The following ZBED4 variants were observed in gnomAD, a reference collection of about 807,000 sequenced individuals.
ZBED4 encodes the protein zinc finger BED domain-containing protein 4.
Under a neutral mutation model 15.5 loss-of-function variants are expected in ZBED4, and 4 were observed. The ratio of observed to expected loss-of-function variants is 0.26; its 90% CI spans 0.13 to 0.59. The LOEUF (loss-of-function observed/expected upper bound fraction) is 0.59, where lower values mean the gene tolerates loss of function less well. Among genes scored for constraint, ZBED4 ranks in the 20% least tolerant of loss-of-function variants. The probability of loss-of-function intolerance (pLI) is 0.90; values close to 1 mark genes in which losing one functional copy is unlikely to be tolerated. For missense variants in ZBED4, 1,323 were observed against 1,461.8 expected, an observed-to-expected ratio of 0.91 and a Z score of 1.55; for synonymous variants, 692 against 608.5, an observed-to-expected ratio of 1.14 and a Z score of -2.02.
At chr22:49,876,507 A>G (rs979896020) in intron 1 of ZBED4, among the ~76,000 whole-genome samples, 2 of 151,920 alleles carry the variant, frequency 1.3e-5, no homozygotes, top group Admixed American at 1.3e-4. Flanking sequence ...ACCCCCTTAT[A>G]ATTTTGTGAT....
intron 1 of ZBED4, among the ~76,000 whole-genome samples, chr22:49,864,954 T>G (rs1419556687): frequency 7.1e-4 from 1 of 1,400 alleles, no homozygotes; most frequent in Non-Finnish European, 1.2e-3. Flanking sequence ...CCCCCCCCCG[T>G]GAAGTCAGAA....
intron 1 of ZBED4, among the ~76,000 whole-genome samples, chr22:49,858,466 C>T (rs2060284003): frequency 6.6e-6 from 1 of 152,138 alleles, no homozygotes; most frequent in Non-Finnish European, 1.5e-5. Flanking sequence ...TGCGTGTGCT[C>T]TGAGTTGAAC....
intron 1 of ZBED4, among the ~76,000 whole-genome samples, chr22:49,873,179 A>ACTCT (rs1248087058): frequency 1.2e-4 from 19 of 152,164 alleles, no homozygotes; most frequent in African/African-American, 4.6e-4. Context: ...CTGTTGGTAC[A>ACTCT]AGAGTCCTAG....
chr22:49,867,885 C>T (rs1176044906), intron 1 of ZBED4, among the ~76,000 whole-genome samples: 1 of 152,238 alleles, frequency 6.6e-6, no homozygotes, highest in East Asian at 1.9e-4. Context: ...CAGACACTTA[C>T]ATGAGCCCAC....
chr22:49,884,483 G>C lies in ZBED4; in HGVS notation c.821G>C (p.Ser274Thr), dbSNP rs1569164612. 6.2e-7 allele frequency: 1 copy of C among 1,614,198 alleles called. No homozygotes were observed. The highest frequency in any genetic ancestry group is 8.5e-7 in the Non-Finnish European group (1 of 1,180,048). ...CCTGCAGAGAACTTAGCGGAGAAGAGCCTTCCACTTCCAAAGAGCACCTCT... is the reference window on the plus strand; with the variant it reads ...CCTGCAGAGAACTTAGCGGAGAAGACCCTTCCACTTCCAAAGAGCACCTCT... The part of the protein sequence containing the change: ...DEPAENLAEK[S>T]LPLPKSTSGS... Residue 274 changes from serine (S) to threonine (T), a missense_variant, in exon 2 of 2, where the codon AGC becomes ACC. Around this residue, in one of 6 missense-constraint regions of ZBED4, gnomAD observed 380 missense variants for 413.7 expected, o/e 0.92. Coordinates refer to ENST00000216268, the MANE Select transcript of ZBED4 (RefSeq NM_014838.3).
Position 49,854,407 on chromosome 22 carries a change from C to G in ZBED4, c.-330+418C>G, listed in dbSNP as rs561836634. Among the ~76,000 whole-genome samples, 8 of 152,244 alleles carry G rather than the reference C, an allele frequency of 5.3e-5. No homozygotes were observed. In the East Asian group the frequency reaches 1.5e-3, roughly 29 times the overall value. ...ACTTCTCTGGACGTGTCATTCCCGT[C>G]CCACCTCCAGGAAGGGCCACCTGGG... On this transcript the variant is annotated intron_variant, in intron 1 of 1. Transcript: ENST00000216268.
intron 1 of ZBED4, among the ~76,000 whole-genome samples, chr22:49,860,779 CTT>C (rs560679145): frequency 1.7e-4 from 24 of 137,478 alleles, no homozygotes; most frequent in Admixed American, 2.9e-4. Context: ...TCTAAGCAAC[CTT>C]TTTTTTTTTT....
In ZBED4 at chr22:49,884,195, C is replaced by T. The variant is rs1168140265; in HGVS notation, c.533C>T (p.Ala178Val). 4 of 1,607,838 alleles carry T rather than the reference C, an allele frequency of 2.5e-6. No homozygotes were observed. Among genetic ancestry groups the T allele is most frequent in the African/African-American group, 1.3e-5 (1 of 74,786 alleles). Residue 178 changes from alanine to valine, a missense_variant, in exon 2 of 2, where the codon GCC becomes GTC. Physicochemically the swap from Ala to Val is moderately conservative, Grantham distance 64 (BLOSUM62 0). This residue lies in a region of ZBED4 where 380 missense variants were observed against 413.7 expected (regional missense o/e 0.92). Coordinates refer to ENST00000216268, the MANE Select transcript of ZBED4 (RefSeq NM_014838.3). ...ATTCAGGAAAATGGCAGTGTGTCTG[C>T]CGTGTCCTCGTTCCCCTCTCCCTCA... Reference protein sequence around the residue: ...VLIQENGSVSAVSSFPSPSLL... With the variant: ...VLIQENGSVSVVSSFPSPSLL...
chr22:49,885,934 C>G lies in ZBED4; in HGVS notation c.2272C>G (p.Arg758Gly), dbSNP rs377508817. ...AHWVSFESPA[R>G]PRCDDHHCSA... ...CTGGGTTTCCTTCGAGTCGCCAGCC[C>G]GGCCGCGCTGTGACGACCACCACTG... Residue 758 changes from arginine (R) to glycine (G), a missense_variant, in exon 2 of 2, where the codon CGG becomes GGG. This residue lies in a region of ZBED4 where 100 missense variants were observed against 79.3 expected (regional missense o/e 1.26). Coordinates refer to ENST00000216268, the MANE Select transcript of ZBED4 (RefSeq NM_014838.3). 1.8e-5 allele frequency: 15 copies of G among 817,046 alleles called. No homozygotes were observed. Among genetic ancestry groups the G allele is most frequent in the African/African-American group, 1.7e-4 (10 of 58,892 alleles). 50.6% of individuals were successfully genotyped at this position (817,046 alleles called of 1,614,324 possible). A position where few individuals can be genotyped will look rare whatever the true frequency, so the allele number is the denominator to read the frequency against.
In ZBED4 at chr22:49,886,450, AT is replaced by A; in HGVS notation, c.2789del (p.Met930SerfsTer8). ...GATCAGCTGCGACCAGTGGGAGGTC[AT>A]GCAGTCCGTGTGCCGTGCGCTAAAG... ...ELISCDQWEV[M>X]QSVCRALKPF... On this transcript the variant is annotated frameshift_variant, in exon 2 of 2. Coordinates refer to ENST00000216268, the MANE Select transcript of ZBED4 (RefSeq NM_014838.3). LOFTEE classifies it high-confidence loss of function. This position sits in a 1 kb window ranked among gnomAD's most constrained non-coding sequence, Gnocchi z 7.7. 1 of 1,576,002 alleles carries A rather than the reference AT, an allele frequency of 6.3e-7. No homozygotes were observed. Among genetic ancestry groups the A allele is most frequent in the East Asian group, 2.3e-5 (1 of 44,392 alleles).
intron 1 of ZBED4, among the ~76,000 whole-genome samples, chr22:49,865,735 G>T (rs186565672): frequency 1.3e-5 from 2 of 152,098 alleles, no homozygotes; most frequent in African/African-American, 4.8e-5. Context: ...TTTGCTCTCC[G>T]GTAGATCTCT....
intron 1 of ZBED4, among the ~76,000 whole-genome samples, chr22:49,857,695 G>A (rs2060280339): frequency 6.6e-6 from 1 of 152,124 alleles, no homozygotes. Flanking sequence ...GGATTCAAGT[G>A]ATTCTGCTGC....
chr22:49,862,115 C>T (rs1709237800), intron 1 of ZBED4, among the ~76,000 whole-genome samples: 2 of 152,194 alleles, frequency 1.3e-5, no homozygotes, highest in Non-Finnish European at 2.9e-5. Flanking sequence ...AAAAACTGTG[C>T]TTTACTGAAT....
chr22:49,879,943 A>G (rs1203246926), intron 1 of ZBED4, among the ~76,000 whole-genome samples: 2 of 142,464 alleles, frequency 1.4e-5, no homozygotes, highest in African/African-American at 2.5e-5. Context: ...GCCTGTTTCT[A>G]TTGGTTGGTT....
At chr22:49,858,151 C>T (rs1479794195) in intron 1 of ZBED4, among the ~76,000 whole-genome samples, 1 of 152,070 alleles carries the variant, frequency 6.6e-6, no homozygotes, top group African/African-American at 2.4e-5. Context: ...ATCCACCCGC[C>T]TTTGCCTCCC....
Position 49,884,960 on chromosome 22 carries a change from C to G in ZBED4, c.1298C>G (p.Ala433Gly). 6.2e-7 allele frequency: 1 copy of G among 1,612,080 alleles called. No individual in the cohort carries two copies. The highest frequency in any genetic ancestry group is 8.5e-7 in the Non-Finnish European group (1 of 1,178,916). ...ASASSPEKQQ[A>G]DGLSPRLFES... ...GCGTCCTCTCCTGAGAAGCAGCAGG[C>G]TGATGGGCTGAGTCCTAGATTGTTT... The change falls in exon 2 of 2, where the codon GCT becomes GGT. Residue 433 changes from alanine to glycine, a missense_variant. By Grantham distance (60) the Ala-to-Gly change is moderately conservative (BLOSUM62 0). Transcript: ENST00000216268.
chr22:49,857,524 C>T (rs1038480325), intron 1 of ZBED4, among the ~76,000 whole-genome samples: 1 of 152,248 alleles, frequency 6.6e-6, no homozygotes, highest in African/African-American at 2.4e-5. Context: ...GACAGAGCAG[C>T]TCTGACTCCG....
At position 49,890,047 on chromosome 22, in the gene ZBED4, T is replaced by TA. The variant is rs1172553901; in HGVS notation, c.*2876dup. 2.4e-5 allele frequency: 4 copies of TA among 166,682 alleles called. No homozygotes were observed. The highest frequency in any genetic ancestry group is 7.2e-5 in the African/African-American group (3 of 41,426). 10.3% of individuals were successfully genotyped at this position (166,682 alleles called of 1,614,324 possible). A position where few individuals can be genotyped will look rare whatever the true frequency, so the allele number is the denominator to read the frequency against. On this transcript the variant is annotated 3_prime_UTR_variant, in exon 2 of 2. Coordinates refer to ENST00000216268, the MANE Select transcript of ZBED4 (RefSeq NM_014838.3). Reference sequence around the variant, plus strand: ...GTGGAAATACTGAAGTAAAAGATGATAAAAAAATAAAAACTTTATTTCTTG... The same window carrying TA: ...GTGGAAATACTGAAGTAAAAGATGATAAAAAAAATAAAAACTTTATTTCTTG...
rs759236299 is a variant in ZBED4 at position 49,884,366 on chromosome 22, TCTC to T, written c.708_710del (p.Ser237del). The T allele has an allele frequency of 2.2e-5, 36 of 1,612,732 alleles. No individual in the cohort carries two copies. Among genetic ancestry groups the T allele is most frequent in the African/African-American group, 9.3e-5 (7 of 74,868 alleles). On this transcript the variant is annotated inframe_deletion, in exon 2 of 2. Transcript: ENST00000216268. ...GTGTCTGTAGTTTCTTCTGAAGAAA[TCTC>T]CTCTGACATGTCCGTTTCGGAGAAG...
Sources: gnomAD v4.1 joint callset for allele counts (sites outside exome capture counted in the v4.1 genomes callset) on GRCh38, gnomAD v4.1.1 for gene constraint, gnomAD v4.1.1 regional missense constraint, Gnocchi (gnomAD v3.1) non-coding constraint, MANE v1.5 for transcripts, NCBI Gene and HGNC (gene_info 2026-07-23, HGNC 2026-07-21) for gene names.